Variants in ARHGAP32 observed in about 807,000 individuals in gnomAD.
ARHGAP32 encodes Rho GTPase activating protein 32, also known as rho GTPase-activating protein 32.
A neutral mutation model predicts 186.5 loss-of-function variants in ARHGAP32; 51 were observed. The ratio of observed to expected loss-of-function variants is 0.27; its 90% CI spans 0.22 to 0.35. The LOEUF (loss-of-function observed/expected upper bound fraction) is 0.35. ARHGAP32 is among the 10% of genes least tolerant of loss of function. The pLI is 1.00. For synonymous variants in ARHGAP32, 950 were observed against 964.3 expected (o/e 0.99, Z 0.27); for missense variants, 2,186 against 2,623.5 (o/e 0.83, Z 3.64).
intron 1 of ARHGAP32, among the ~76,000 whole-genome samples, chr11:129,180,946 T>C (rs1044318946): frequency 1.3e-5 from 2 of 152,124 alleles, no homozygotes; most frequent in African/African-American, 2.4e-5. Flanking sequence ...TTGTATGAGA[T>C]TCTTGCTCAT....
chr11:129,194,777 T>C (rs1462643006), upstream of ARHGAP32, among the ~76,000 whole-genome samples: 1 of 151,716 alleles, frequency 6.6e-6, no homozygotes, highest in African/African-American at 2.4e-5. Flanking sequence ...GAAAGAAAGA[T>C]AGTTTTTCAC....
chr11:129,179,066 G>GA (rs1443467726), intron 1 of ARHGAP32, among the ~76,000 whole-genome samples: 2 of 151,046 alleles, frequency 1.3e-5, no homozygotes, highest in East Asian at 3.9e-4. Flanking sequence ...CTAATATCCA[G>GA]AATCTACAAT....
chr11:129,123,425 G>A lies in ARHGAP32; in HGVS notation c.444+21C>T, dbSNP rs1942581441. ...AAATGTGTAAATCTTAATTCAAGAT[G>A]TAAGAAATATTTCAGTATACCTGTA... On this transcript the variant is annotated intron_variant, in intron 5 of 22. Transcript: ENST00000682385. The surrounding 1 kb of genome is among the most constrained non-coding windows in gnomAD (Gnocchi z 4.6). 1.3e-6 allele frequency: 2 copies of A among 1,582,000 alleles called. No homozygotes were observed. The highest frequency in any genetic ancestry group is 1.3e-5 in the African/African-American group (1 of 74,318).
chr11:129,002,714 G>T (rs1371914361), intron 11 of ARHGAP32, among the ~76,000 whole-genome samples: 1 of 151,802 alleles, frequency 6.6e-6, no homozygotes, highest in Non-Finnish European at 1.5e-5. Context: ...TAAGATGCTA[G>T]CTATGGGTCT....
chr11:129,099,642 A>G (rs1941833370), intron 5 of ARHGAP32, among the ~76,000 whole-genome samples: 1 of 152,210 alleles, frequency 6.6e-6, no homozygotes, highest in African/African-American at 2.4e-5. Flanking sequence ...AGTGGAGGTG[A>G]CTATACTAAA....
At position 128,980,717 on chromosome 11, in the gene ARHGAP32, T is replaced by C; in HGVS notation, c.1812A>G (p.Val604=). Residue 604 remains valine, a synonymous_variant, in exon 18 of 23, where the codon GTA becomes GTG. Coordinates refer to ENST00000682385, the MANE Select transcript of ARHGAP32 (RefSeq NM_001378024.1). ...ASLSRPKSLL[V]SSPSTKLLTL... The stretch of plus-strand genomic sequence containing the variant: ...TCAGCAGTTTGGTGGATGGAGAGGA[T>C]ACCAGGAGGGACTTGGGCCTTGATA... 1 of 1,613,402 alleles carries C rather than the reference T, an allele frequency of 6.2e-7. No homozygotes were observed. Among genetic ancestry groups the C allele is most frequent in the Admixed American group, 1.7e-5 (1 of 59,870 alleles).
At chr11:128,997,935 A>T (rs1946246470) in intron 12 of ARHGAP32, among the ~76,000 whole-genome samples, 1 of 147,132 alleles carries the variant, frequency 6.8e-6, no homozygotes, top group South Asian at 2.1e-4. Context: ...TTGGCATTTT[A>T]TGTCTCAAAA....
intron 5 of ARHGAP32, among the ~76,000 whole-genome samples, chr11:129,096,975 T>A (rs1941747631): frequency 6.6e-6 from 1 of 152,102 alleles, no homozygotes; most frequent in Admixed American, 6.6e-5. Flanking sequence ...AAGTTCCAAC[T>A]CAGGCTGATC....
intron 22 of ARHGAP32, chr11:128,971,928 G>T (rs1945386313): frequency 6.6e-6 from 1 of 152,312 alleles, no homozygotes; most frequent in African/African-American, 2.4e-5. Context: ...GCTGGTGAAT[G>T]CTAGGAAAGT....
chr11:129,257,048 A>C (rs1200397074), intron 1 of ARHGAP32, among the ~76,000 whole-genome samples: 1 of 152,152 alleles, frequency 6.6e-6, no homozygotes, highest in East Asian at 1.9e-4. Context: ...CCAGGACTAG[A>C]TCACATGGCT....
intron 17 of ARHGAP32, among the ~76,000 whole-genome samples, 196 bp downstream of exon 17, chr11:128,981,220 A>C (rs979726214): frequency 9.2e-5 from 14 of 152,216 alleles, no homozygotes; most frequent in African/African-American, 3.4e-4. Context: ...TTAGATCACA[A>C]TAGGTCTCAT....
intron 12 of ARHGAP32, among the ~76,000 whole-genome samples, chr11:128,996,605 C>A (rs1470470244): frequency 6.6e-6 from 1 of 151,928 alleles, no homozygotes; most frequent in Admixed American, 6.6e-5. Context: ...GAATTTTTTT[C>A]AAAACTGCTA....
rs145555630 is a variant in ARHGAP32, at chr11:129,188,434, A to T, written c.116+3649T>A. Among the ~76,000 whole-genome samples the T allele has an allele frequency of 1.6e-4, 24 of 152,222 alleles. 1 individual carries two copies. In the East Asian group the frequency reaches 4.6e-3, roughly 29 times the overall value. On this transcript the variant is annotated intron_variant, in intron 1 of 22. Transcript: ENST00000682385. The stretch of plus-strand genomic sequence containing the variant: ...TGAGCCATTAAAAGAAATCATCTAG[A>T]TCTGATCTGATCGCCTGGGCCTGGG...
chr11:129,130,230 CA>C (rs1374154629), intron 2 of ARHGAP32, among the ~76,000 whole-genome samples: 104 of 152,170 alleles, frequency 6.8e-4, no homozygotes, highest in Non-Finnish European at 8.8e-4. Context: ...CAATGCAATT[CA>C]AAAGAACAGC....
Position 129,271,184 on chromosome 11 carries a change from A to G in ARHGAP32, c.-5+7962T>C, listed in dbSNP as rs548705756. ...ATTTTGGCTCCCGTGTATGGTAAGA[A>G]TGAGGGGAAGGACAAGGACAGGAGT... On this transcript the variant is annotated intron_variant, in intron 1 of 6. Transcript: ENST00000525234. Among the ~76,000 whole-genome samples, 5 of 152,332 alleles carry G rather than the reference A, an allele frequency of 3.3e-5. No homozygotes were observed. In the South Asian group the frequency reaches 1.0e-3, roughly 32 times the overall value.
At chr11:128,985,831 C>CGTGTGTGT (rs369790310) in intron 15 of ARHGAP32, 172 bp downstream of exon 15, 94 of 115,600 alleles carry the variant, frequency 8.1e-4, no homozygotes, top group African/African-American at 3.1e-3. Context: ...TGTGTGTGTG[C>CGTGTGTGT]GTGTGTGTGT....
chr11:129,072,279 C>T (rs1317584449), intron 6 of ARHGAP32, among the ~76,000 whole-genome samples: 1 of 152,054 alleles, frequency 6.6e-6, no homozygotes, highest in African/African-American at 2.4e-5. Flanking sequence ...ATTTGTTCTG[C>T]CAGCTCAACT....
rs531913298 is a variant in ARHGAP32 at position 129,107,781 on chromosome 11, C to T, written c.445-14074G>A. 3.3e-5 allele frequency among the ~76,000 whole-genome samples: 5 copies of T among 149,338 alleles called. No individual in the cohort carries two copies. The East Asian group carries it at 9.9e-4, about 30-fold the overall frequency. On this transcript the variant is annotated intron_variant, in intron 5 of 22. Transcript: ENST00000682385. ...TACTTGGGAGGCTGAGGCAGGAGAA[C>T]TGCTTGAACCCAGGAGGCGGAGGTT...
At chr11:129,140,753 T>A (rs142202641) in intron 2 of ARHGAP32, among the ~76,000 whole-genome samples, 2 of 152,310 alleles carry the variant, frequency 1.3e-5, no homozygotes, top group Non-Finnish European at 2.9e-5. Context: ...GGTACACAGA[T>A]CTGACACAGT....
Sources: gnomAD v4.1 joint callset for allele counts (sites outside exome capture counted in the v4.1 genomes callset) on GRCh38, gnomAD v4.1.1 for gene constraint, Gnocchi (gnomAD v3.1) non-coding constraint, MANE v1.5 for transcripts, NCBI Gene and HGNC (gene_info 2026-07-23, HGNC 2026-07-21) for gene names.